SRGAP1: variants seen among roughly 807,000 people sequenced by gnomAD.
SRGAP1 encodes SLIT-ROBO Rho GTPase-activating protein 1.
Under a neutral mutation model 121.9 loss-of-function variants are expected in SRGAP1, and 43 were observed. The observed-to-expected ratio is 0.35, with a 90% CI of 0.28 to 0.46. SRGAP1 has a LOEUF of 0.46. SRGAP1 is among the 20% of genes least tolerant of loss of function. The probability of loss-of-function intolerance (pLI) is 1.00; values close to 1 mark genes in which losing one functional copy is unlikely to be tolerated. For synonymous variants in SRGAP1, 447 were observed against 485.4 expected, an observed-to-expected ratio of 0.92 and a Z score of 1.04; for missense variants, 1,102 against 1,350.9, an observed-to-expected ratio of 0.82 and a Z score of 2.89.
chr12:64,100,059 A>G (rs1159592755), intron 15 of SRGAP1, among the ~76,000 whole-genome samples: 1 of 152,202 alleles, frequency 6.6e-6, no homozygotes, highest in Non-Finnish European at 1.5e-5. Flanking sequence ...GTCTATGTGA[A>G]GAATAAATGA....
chr12:64,082,941 C>G (rs919944843), intron 10 of SRGAP1, among the ~76,000 whole-genome samples: 1 of 152,230 alleles, frequency 6.6e-6, no homozygotes, highest in South Asian at 2.1e-4. Context: ...TAGCCCTGCC[C>G]CTTTTGCAGG....
At chr12:64,075,668 C>G (rs1377633320) in intron 8 of SRGAP1, among the ~76,000 whole-genome samples, 1 of 152,164 alleles carries the variant, frequency 6.6e-6, no homozygotes, top group East Asian at 1.9e-4. Context: ...AGGATGGTGA[C>G]TCTTTTAATT....
At chr12:64,136,446 A>G (rs1245665214) in intron 21 of SRGAP1, among the ~76,000 whole-genome samples, 1 of 152,222 alleles carries the variant, frequency 6.6e-6, no homozygotes, top group Non-Finnish European at 1.5e-5. Context: ...CTAAAAGGCA[A>G]CTTCCAGCTA....
intron 5 of SRGAP1, 110 bp from the exon 6 acceptor site, chr12:64,043,337 G>T: frequency 9.1e-7 from 1 of 1,095,538 alleles, no homozygotes; most frequent in Non-Finnish European, 1.3e-6. Flanking sequence ...AGGGTCATTT[G>T]TATATGTGGA....
At chr12:64,082,620 T>C (rs762331305) in intron 10 of SRGAP1, among the ~76,000 whole-genome samples, 11 of 152,130 alleles carry the variant, frequency 7.2e-5, no homozygotes, top group Non-Finnish European at 1.6e-4. Flanking sequence ...CAGCTAATTT[T>C]GTATTTTTAG....
At chr12:64,095,068 A>G (rs563318219) in intron 13 of SRGAP1, 59 bp from the exon 14 acceptor site, 1 of 1,609,698 alleles carries the variant, frequency 6.2e-7, no homozygotes, top group Admixed American at 1.7e-5. Context: ...TTCCTGGGAA[A>G]AGAGGGACCT....
At chr12:64,042,107 G>A (rs1311657234) in intron 4 of SRGAP1, among the ~76,000 whole-genome samples, 2 of 151,828 alleles carry the variant, frequency 1.3e-5, no homozygotes, top group African/African-American at 4.8e-5. Context: ...ATGTTGGCCA[G>A]GCTAGTCTCG....
Position 64,159,704 on chromosome 12 carries a change from T to C in SRGAP1, c.*17032T>C, listed in dbSNP as rs1040330213. ...TTCCAAGCAGTCTCTTCCCCTGCCA[T>C]GGCACTCATAGAAGCCTCCCGTTAA... On this transcript the variant is annotated 3_prime_UTR_variant, in exon 22 of 22. Coordinates refer to ENST00000355086, the MANE Select transcript of SRGAP1 (RefSeq NM_020762.4). 9 of 152,234 alleles carry C rather than the reference T, an allele frequency of 5.9e-5. No homozygotes were observed. Among genetic ancestry groups the C allele is most frequent in the Non-Finnish European group, 8.8e-5 (6 of 68,062 alleles). The allele number at this position is 152,234 out of a possible 1,614,324, so 9.4% of individuals were successfully genotyped here. A position where few individuals can be genotyped will look rare whatever the true frequency, so the allele number is the denominator to read the frequency against.
At chr12:64,050,415 T>A (rs1303810845) in intron 6 of SRGAP1, among the ~76,000 whole-genome samples, 1 of 151,798 alleles carries the variant, frequency 6.6e-6, no homozygotes, top group African/African-American at 2.4e-5. Context: ...ATTCTTACCA[T>A]CTAAGATCAT....
intron 15 of SRGAP1, among the ~76,000 whole-genome samples, chr12:64,105,476 T>C (rs904315212): frequency 1.3e-5 from 2 of 152,122 alleles, no homozygotes; most frequent in Non-Finnish European, 2.9e-5. Flanking sequence ...AACAAGAAGA[T>C]CTTGAATTAA....
intron 1 of SRGAP1, among the ~76,000 whole-genome samples, chr12:63,953,370 C>T (rs908590021): frequency 4.7e-5 from 7 of 150,046 alleles, no homozygotes; most frequent in Non-Finnish European, 7.4e-5. Context: ...TTCTCTTTTG[C>T]ACAGGTCTTC....
chr12:63,984,321 A>G (rs892910205), intron 2 of SRGAP1, among the ~76,000 whole-genome samples, 179 bp downstream of exon 2: 3 of 152,222 alleles, frequency 2.0e-5, no homozygotes, highest in Non-Finnish European at 4.4e-5. Flanking sequence ...ATTTTAAACT[A>G]GTGTAATCTG....
intron 15 of SRGAP1, among the ~76,000 whole-genome samples, chr12:64,104,913 A>AT (rs1491377066): frequency 7.1e-5 from 9 of 126,900 alleles, no homozygotes; most frequent in African/African-American, 1.8e-4. Context: ...ATATATATAT[A>AT]AAAAATATAA....
intron 1 of SRGAP1, among the ~76,000 whole-genome samples, chr12:63,957,590 G>A (rs1362368047): frequency 6.6e-6 from 1 of 152,014 alleles, no homozygotes; most frequent in African/African-American, 2.4e-5. Flanking sequence ...GAGAAACAAA[G>A]TTTCTATAAA....
intron 1 of SRGAP1, chr12:63,888,696 TA>T (rs937915707): frequency 3.3e-5 from 5 of 152,236 alleles, no homozygotes; most frequent in Non-Finnish European, 1.5e-5. Context: ...AGGGAATTGT[TA>T]ACACACCAGC....
chr12:63,975,513 T>C (rs2033068513), intron 1 of SRGAP1, among the ~76,000 whole-genome samples: 1 of 152,218 alleles, frequency 6.6e-6, no homozygotes, highest in Non-Finnish European at 1.5e-5. Context: ...TAAAATATTT[T>C]TATATAATAC....
chr12:63,926,195 G>A (rs2031253950), intron 1 of SRGAP1, among the ~76,000 whole-genome samples: 1 of 152,000 alleles, frequency 6.6e-6, no homozygotes, highest in South Asian at 2.1e-4. Context: ...AGACTTTTTG[G>A]ATGTTCCAAA....
chr12:63,992,660 T>TACACACACACACACACACAC (rs59798383), intron 3 of SRGAP1, among the ~76,000 whole-genome samples: 42 of 138,576 alleles, frequency 3.0e-4, no homozygotes, highest in African/African-American at 1.1e-3. Context: ...GCACAGTAAA[T>TACACACACACACACACACAC]ACACACACAC....
intron 15 of SRGAP1, among the ~76,000 whole-genome samples, chr12:64,105,143 C>T (rs1411574875): frequency 1.3e-5 from 2 of 152,126 alleles, no homozygotes; most frequent in Non-Finnish European, 2.9e-5. Flanking sequence ...AGGTACCTAA[C>T]ATAAGTGGAA....
Sources: gnomAD v4.1 joint callset for allele counts (sites outside exome capture counted in the v4.1 genomes callset) on GRCh38, gnomAD v4.1.1 for gene constraint, MANE v1.5 for transcripts, NCBI Gene and HGNC (gene_info 2026-07-23, HGNC 2026-07-21) for gene names.